Variants in KHDRBS2 observed in about 807,000 individuals in gnomAD.
KHDRBS2 encodes the protein KH RNA binding domain containing, signal transduction associated 2, also known as KH domain-containing, RNA-binding, signal transduction-associated protein 2.
Under a neutral mutation model 44.3 loss-of-function variants are expected in KHDRBS2, and 26 were observed. The observed-to-expected ratio is 0.59, with a 90% CI of 0.43 to 0.81. The LOEUF is 0.81. Ranked by LOEUF, KHDRBS2 falls within the 40% of genes least tolerant of loss-of-function variation. KHDRBS2 has a pLI of 0.00. For synonymous variants in KHDRBS2, 194 were observed against 151.1 expected (o/e 1.28, Z -2.08); for missense variants, 476 against 433.1 (o/e 1.10, Z -0.88).
chr6:61,821,110 G>C (rs529836586), intron 6 of KHDRBS2, among the ~76,000 whole-genome samples: 5 of 151,858 alleles, frequency 3.3e-5, no homozygotes, highest in Non-Finnish European at 7.4e-5. Context: ...AGCATTATTA[G>C]AGATATCTAT....
At chr6:61,782,391 G>A (rs1439692525) in intron 6 of KHDRBS2, among the ~76,000 whole-genome samples, 9 of 151,712 alleles carry the variant, frequency 5.9e-5, no homozygotes, top group Non-Finnish European at 1.2e-4. Context: ...CATTTTTGAA[G>A]GGCTCAAATA....
At chr6:62,270,277 A>ATCTCTCTCTC in intron 1 of KHDRBS2, among the ~76,000 whole-genome samples, 1 of 120,642 alleles carries the variant, frequency 8.3e-6, no homozygotes, top group Non-Finnish European at 1.7e-5. Flanking sequence ...GTGGAACCCC[A>ATCTCTCTCTC]TCTCTCTCTC....
intron 1 of KHDRBS2, among the ~76,000 whole-genome samples, chr6:62,227,081 G>A (rs1832000855): frequency 2.6e-5 from 4 of 152,100 alleles, no homozygotes; most frequent in African/African-American, 9.7e-5. Context: ...AGTTTGATGG[G>A]AACAGCACTG....
chr6:61,772,602 G>T (rs1205733655), intron 6 of KHDRBS2, among the ~76,000 whole-genome samples: 1 of 151,984 alleles, frequency 6.6e-6, no homozygotes, highest in African/African-American at 2.4e-5. Context: ...ATCCTCTCAA[G>T]ACTAAACCAG....
the KHDRBS2 span, among the ~76,000 whole-genome samples, chr6:61,560,202 G>T: frequency 5.3e-5 from 8 of 151,962 alleles, no homozygotes; most frequent in African/African-American, 1.7e-4. Context: ...TATGTTATTT[G>T]TTTTTTTACT....
chr6:62,246,694 G>A (rs1835632630), intron 1 of KHDRBS2, among the ~76,000 whole-genome samples: 1 of 151,846 alleles, frequency 6.6e-6, no homozygotes. Context: ...AGCTTTCAGG[G>A]AAATATATCT....
At chr6:61,981,928 T>A (rs1234522126) in intron 3 of KHDRBS2, among the ~76,000 whole-genome samples, 1 of 152,170 alleles carries the variant, frequency 6.6e-6, no homozygotes, top group Admixed American at 6.6e-5. Context: ...CCCTGATACG[T>A]CCTGGTATAA....
chr6:61,616,277 T>C, the KHDRBS2 span, among the ~76,000 whole-genome samples: 19 of 152,132 alleles, frequency 1.2e-4, no homozygotes, highest in African/African-American at 4.6e-4. Context: ...CTGAAGGCTT[T>C]CTGGAAGACT....
At chr6:61,812,734 A>G (rs1259212779) in intron 6 of KHDRBS2, among the ~76,000 whole-genome samples, 2 of 152,062 alleles carry the variant, frequency 1.3e-5, no homozygotes, top group Non-Finnish European at 2.9e-5. Flanking sequence ...GAATAAATAC[A>G]TATTTAATGT....
At chr6:61,905,859 T>TTA (rs1260461967) in intron 4 of KHDRBS2, among the ~76,000 whole-genome samples, 66 of 145,610 alleles carry the variant, frequency 4.5e-4, no homozygotes, top group African/African-American at 1.6e-3. Context: ...CTTTTCTTTT[T>TTA]TTTTTTTTTT....
At chr6:62,228,988 C>G (rs1056526491) in intron 1 of KHDRBS2, among the ~76,000 whole-genome samples, 2 of 152,104 alleles carry the variant, frequency 1.3e-5, no homozygotes, top group African/African-American at 4.8e-5. Context: ...TTGGGTGGCA[C>G]GAGGAGCAGG....
chr6:61,828,523 T>C (rs1791287901), intron 6 of KHDRBS2, among the ~76,000 whole-genome samples: 1 of 152,214 alleles, frequency 6.6e-6, no homozygotes, highest in African/African-American at 2.4e-5. Context: ...CAGCACTTGA[T>C]AAAACATCAA....
chr6:61,786,028 C>A (rs1378962773), intron 6 of KHDRBS2, among the ~76,000 whole-genome samples: 2 of 151,874 alleles, frequency 1.3e-5, no homozygotes, highest in African/African-American at 2.4e-5. Flanking sequence ...CTTTCTCATT[C>A]TCTCTCTTTC....
chr6:61,565,211 C>T, the KHDRBS2 span, among the ~76,000 whole-genome samples: 1 of 151,914 alleles, frequency 6.6e-6, no homozygotes, highest in African/African-American at 2.4e-5. Context: ...AACCATGAAA[C>T]TATGAGAAGA....
chr6:62,231,515 C>G (rs1276068064), intron 1 of KHDRBS2, among the ~76,000 whole-genome samples: 1 of 152,106 alleles, frequency 6.6e-6, no homozygotes, highest in African/African-American at 2.4e-5. Context: ...CCTTGACACA[C>G]GGGGATTACA....
chr6:61,696,103 T>C (rs1767871219), intron 8 of KHDRBS2, among the ~76,000 whole-genome samples: 1 of 152,022 alleles, frequency 6.6e-6, no homozygotes, highest in Non-Finnish European at 1.5e-5. Flanking sequence ...TGTCTCAGCC[T>C]CTGGAGTAGC....
the KHDRBS2 span, among the ~76,000 whole-genome samples, chr6:61,550,772 T>TTC: frequency 2.7e-5 from 4 of 149,000 alleles, no homozygotes; most frequent in Admixed American, 2.7e-4. Context: ...GTATCTTTTT[T>TTC]TTTTTTTTTT....
At chr6:61,718,154 T>C (rs991278050) in intron 7 of KHDRBS2, among the ~76,000 whole-genome samples, 2 of 152,048 alleles carry the variant, frequency 1.3e-5, no homozygotes, top group Non-Finnish European at 2.9e-5. Context: ...AAATGATTGT[T>C]AGCTATTATA....
At chr6:62,052,290 C>A (rs1279834938) in intron 2 of KHDRBS2, among the ~76,000 whole-genome samples, 1 of 151,614 alleles carries the variant, frequency 6.6e-6, no homozygotes, top group African/African-American at 2.4e-5. Context: ...TATTATTCAG[C>A]CTGAAAAACA....
Sources: gnomAD v4.1 joint callset for allele counts (sites outside exome capture counted in the v4.1 genomes callset) on GRCh38, gnomAD v4.1.1 for gene constraint, MANE v1.5 for transcripts, NCBI Gene and HGNC (gene_info 2026-07-23, HGNC 2026-07-21) for gene names.